The following TTC34 variants were observed in gnomAD, a reference collection of about 807,000 sequenced individuals.
The protein encoded by TTC34 is tetratricopeptide repeat protein 34.
TTC34 carries 44 observed loss-of-function variants against 40.7 expected under a neutral mutation model. The observed-to-expected ratio is 1.08, with a 90% CI of 0.85 to 1.39. TTC34 has a LOEUF of 1.39. TTC34 is among the 40% of genes most tolerant of loss of function. The probability of loss-of-function intolerance (pLI) is 0.00; values close to 1 mark genes in which losing one functional copy is unlikely to be tolerated. For synonymous variants in TTC34, 422 were observed against 398.6 expected (o/e 1.06, Z -0.70); for missense variants, 884 against 838.0 (o/e 1.05, Z -0.68).
intron 6 of TTC34, among the ~76,000 whole-genome samples, chr1:2,677,606 T>C (rs1570792710): frequency 3.4e-4 from 1 of 2,972 alleles, no homozygotes; most frequent in African/African-American, 1.1e-3. Flanking sequence ...AACAGCACGC[T>C]GCCCCCCCAG....
At chr1:2,775,025 AC>A (rs1303040258) in intron 6 of TTC34, 3 of 128,658 alleles carry the variant, frequency 2.3e-5, no homozygotes, top group Non-Finnish European at 5.0e-5. Context: ...CAGCATCCAC[AC>A]CCCCAGGTGA....
At chr1:2,652,633 C>A (rs76428248) in intron 6 of TTC34, among the ~76,000 whole-genome samples, 1 of 147,006 alleles carries the variant, frequency 6.8e-6, no homozygotes, top group African/African-American at 2.6e-5. Flanking sequence ...CAGCCTGGAG[C>A]AGCATCCACA....
rs1377580464 is a variant in TTC34, at chr1:2,750,806, C to T, written c.2226+32803G>A. 1.2e-3 allele frequency among the ~76,000 whole-genome samples: 13 copies of T among 11,014 alleles called. 3 individuals carry two copies. The highest frequency in any genetic ancestry group is 5.3e-3 in the African/African-American group (11 of 2,076). The allele number at this position is 11,014 out of a possible 152,430, so 7.2% of individuals were successfully genotyped here. ...CGGAGAGTCTGGAGCAGCGCCCACA[C>T]CCCCAGGCGAGCATCTGACAGCCTG... is the stretch of plus-strand genomic sequence containing the variant. On this transcript the variant is annotated intron_variant, in intron 6 of 8. Transcript: ENST00000401095.
At chr1:2,684,617 G>A (rs1352304722) in intron 6 of TTC34, among the ~76,000 whole-genome samples, 17 of 122,298 alleles carry the variant, frequency 1.4e-4, no homozygotes, top group African/African-American at 3.1e-4. Context: ...GCATCTGACC[G>A]CATGGAATGG....
chr1:2,790,201 A>G (rs1643647887), exon 3 of TTC34: 2 of 398,298 alleles, frequency 5.0e-6, no homozygotes, highest in South Asian at 1.3e-4. Flanking sequence ...GGTCCTGGAC[A>G]GAGAACACGG....
chr1:2,686,816 T>C (rs796342511), intron 6 of TTC34, among the ~76,000 whole-genome samples: 2 of 74,268 alleles, frequency 2.7e-5, no homozygotes, highest in East Asian at 5.1e-4. Flanking sequence ...CAGGCGAGCA[T>C]CTGACAGCCT....
At chr1:2,789,534 C>T (rs1216156690) in exon 3 of TTC34, 2 of 1,500,306 alleles carry the variant, frequency 1.3e-6, no homozygotes, top group Non-Finnish European at 1.8e-6. Flanking sequence ...CCCGTCTCTG[C>T]GGCCTCCCTC....
At chr1:2,783,623 G>A (rs891040969) in exon 6 of TTC34, 11 of 1,443,174 alleles carry the variant, frequency 7.6e-6, no homozygotes, top group Non-Finnish European at 1.0e-5. Flanking sequence ...AGCTGGTCTA[G>A]GGCCAGGTGC....
chr1:2,683,518 G>T (rs896053088), intron 6 of TTC34, among the ~76,000 whole-genome samples: 3 of 148,282 alleles, frequency 2.0e-5, no homozygotes, highest in Admixed American at 1.3e-4. Flanking sequence ...CACACCACCA[G>T]GTGAGCATCT....
chr1:2,680,924 A>T (rs1281606642), intron 6 of TTC34, among the ~76,000 whole-genome samples: 3 of 99,080 alleles, frequency 3.0e-5, no homozygotes, highest in Non-Finnish European at 5.0e-5. Flanking sequence ...GCATCTGACA[A>T]CAGGGAGCAG....
chr1:2,675,189 C>A (rs1639858424), intron 6 of TTC34, among the ~76,000 whole-genome samples: 1 of 148,050 alleles, frequency 6.8e-6, no homozygotes, highest in African/African-American at 2.5e-5. Flanking sequence ...CATCCTGGAG[C>A]AGCACCGACA....
At chr1:2,692,496 AGCCTGC>A (rs1640668253) in intron 6 of TTC34, among the ~76,000 whole-genome samples, 1 of 128,982 alleles carries the variant, frequency 7.8e-6, no homozygotes, top group Non-Finnish European at 1.7e-5. Context: ...CTGGAACAGC[AGCCTGC>A]ACCCCCAGGT....
chr1:2,695,418 ATGGAATGGCATCCTCACCTCCAGGTG>A (rs1640817503), intron 6 of TTC34, among the ~76,000 whole-genome samples: 2 of 29,316 alleles, frequency 6.8e-5, no homozygotes, highest in Non-Finnish European at 1.4e-4. Context: ...ATCTGATCGC[ATGGAATGGCATCCTCACCTCCAGGTG>A]AGCATCCGAC....
chr1:2,789,427 A>G, intron 3 of TTC34, 76 bp downstream of exon 3: 1 of 1,371,358 alleles, frequency 7.3e-7, no homozygotes, highest in Admixed American at 2.5e-5. Context: ...GTAAAATAGG[A>G]GGAAACACAT....
At chr1:2,756,607 G>A (rs1641513728) in intron 6 of TTC34, among the ~76,000 whole-genome samples, 2 of 152,016 alleles carry the variant, frequency 1.3e-5, no homozygotes, top group East Asian at 1.9e-4. Flanking sequence ...GCATCTGACA[G>A]CCTGGAACAG....
chr1:2,683,314 C>T (rs536188342), intron 6 of TTC34, among the ~76,000 whole-genome samples: 3 of 151,762 alleles, frequency 2.0e-5, no homozygotes, highest in East Asian at 3.9e-4. Flanking sequence ...TCCACACCCC[C>T]AGGTGAGCAT....
At chr1:2,748,775 C>T (rs1323573504) in intron 6 of TTC34, among the ~76,000 whole-genome samples, 2 of 138,482 alleles carry the variant, frequency 1.4e-5, no homozygotes, top group Non-Finnish European at 3.0e-5. Context: ...AGGAGAGCAT[C>T]CGGCAGCCTG....
At chr1:2,697,601 C>CT (rs1640925972) in intron 6 of TTC34, among the ~76,000 whole-genome samples, 1 of 148,260 alleles carries the variant, frequency 6.7e-6, no homozygotes, top group Admixed American at 6.7e-5. Context: ...AAACAGCTCC[C>CT]ACAACCCCAG....
intron 6 of TTC34, among the ~76,000 whole-genome samples, chr1:2,683,511 A>ACCC (rs2100325155): frequency 2.0e-5 from 3 of 148,450 alleles, no homozygotes; most frequent in Admixed American, 6.7e-5. Context: ...CGGCACCCAC[A>ACCC]CCACCAGGTG....
Sources: gnomAD v4.1 joint callset for allele counts (sites outside exome capture counted in the v4.1 genomes callset) on GRCh38, gnomAD v4.1.1 for gene constraint, MANE v1.5 for transcripts, NCBI Gene and HGNC (gene_info 2026-07-23, HGNC 2026-07-21) for gene names.